Variants in NEGR1 observed in about 807,000 individuals in gnomAD.
NEGR1 encodes the protein neuronal growth regulator 1.
A neutral mutation model predicts 40.9 loss-of-function variants in NEGR1; 10 were observed. The observed-to-expected ratio is 0.24, with a 90% CI of 0.15 to 0.42. The LOEUF (loss-of-function observed/expected upper bound fraction) is 0.42, where lower values mean the gene tolerates loss of function less well. NEGR1 is among the 10% of genes least tolerant of loss of function. The pLI is 1.00. For synonymous variants in NEGR1, 185 were observed against 166.8 expected (o/e 1.11, Z -0.84); for missense variants, 352 against 438.9 (o/e 0.80, Z 1.77).
rs1259418790 is a variant in NEGR1 at position 71,928,361 on chromosome 1, T to TAC, written c.409+6716_409+6717dup. Among the ~76,000 whole-genome samples, 15 of 84,628 alleles carry TAC rather than the reference T, an allele frequency of 1.8e-4. 2 individuals are homozygous for TAC. Among genetic ancestry groups the TAC allele is most frequent in the East Asian group, 1.3e-3 (4 of 3,030 alleles). The allele number at this position is 84,628 out of a possible 152,430, so 55.5% of individuals were successfully genotyped here. A position where few individuals can be genotyped will look rare whatever the true frequency, so the allele number is the denominator to read the frequency against. On this transcript the variant is annotated intron_variant, in intron 2 of 6. Coordinates refer to ENST00000357731, the MANE Select transcript of NEGR1 (RefSeq NM_173808.3). ...ATATACACACATGTGTATATATATA[T>TAC]ACACATATGTATATATGTATATATA...
At chr1:72,043,309 AT>A (rs1255605893) in intron 1 of NEGR1, among the ~76,000 whole-genome samples, 3 of 151,702 alleles carry the variant, frequency 2.0e-5, no homozygotes, top group African/African-American at 7.3e-5. Flanking sequence ...CATTTCCTTT[AT>A]CAAGTCTTTT....
At chr1:72,033,823 C>T (rs1016655947) in intron 1 of NEGR1, among the ~76,000 whole-genome samples, 1 of 152,062 alleles carries the variant, frequency 6.6e-6, no homozygotes, top group African/African-American at 2.4e-5. Context: ...ATTAATACAA[C>T]ACTCCAGGCA....
chr1:72,046,339 A>G (rs911995718), intron 1 of NEGR1, among the ~76,000 whole-genome samples: 4 of 151,718 alleles, frequency 2.6e-5, no homozygotes, highest in Admixed American at 6.6e-5. Context: ...GAAAGAACAC[A>G]TTGAGAATAA....
At chr1:71,996,834 G>A (rs1262348649) in intron 1 of NEGR1, among the ~76,000 whole-genome samples, 1 of 151,978 alleles carries the variant, frequency 6.6e-6, no homozygotes, top group African/African-American at 2.4e-5. Flanking sequence ...TCTGAGTAAG[G>A]TGCTTTCTAA....
intron 4 of NEGR1, among the ~76,000 whole-genome samples, chr1:71,683,077 T>C (rs1652894515): frequency 6.6e-6 from 1 of 152,162 alleles, no homozygotes; most frequent in Non-Finnish European, 1.5e-5. Context: ...CAAAATGGAC[T>C]AAGAGGCTGC....
At chr1:72,089,079 A>T (rs1199817537) in intron 1 of NEGR1, among the ~76,000 whole-genome samples, 1 of 152,168 alleles carries the variant, frequency 6.6e-6, no homozygotes, top group Non-Finnish European at 1.5e-5. Context: ...AAAACTGCAA[A>T]TGTTGAATCA....
At chr1:71,981,481 A>G (rs1222857783) in intron 1 of NEGR1, among the ~76,000 whole-genome samples, 1 of 152,154 alleles carries the variant, frequency 6.6e-6, no homozygotes, top group African/African-American at 2.4e-5. Flanking sequence ...TGGGTATTTG[A>G]AGATATATTT....
intron 1 of NEGR1, among the ~76,000 whole-genome samples, chr1:72,108,423 C>A (rs562477704): frequency 1.3e-5 from 2 of 151,514 alleles, no homozygotes; most frequent in South Asian, 4.2e-4. Context: ...GCAAATATGA[C>A]ATATATGCAA....
intron 6 of NEGR1, among the ~76,000 whole-genome samples, chr1:71,524,248 A>G (rs1647189488): frequency 6.6e-6 from 1 of 151,262 alleles, no homozygotes; most frequent in Non-Finnish European, 1.5e-5. Context: ...TGCCTTCTCT[A>G]ACTATCAGTG....
chr1:71,755,760 T>C (rs1331360867), intron 3 of NEGR1, among the ~76,000 whole-genome samples: 1 of 152,198 alleles, frequency 6.6e-6, no homozygotes, highest in Admixed American at 6.6e-5. Flanking sequence ...TTTTCACTCT[T>C]CATATTATGT....
At chr1:71,605,188 A>C (rs577436670) in intron 5 of NEGR1, among the ~76,000 whole-genome samples, 14 of 152,274 alleles carry the variant, frequency 9.2e-5, no homozygotes, top group Admixed American at 2.0e-4. Flanking sequence ...TCATTTATTT[A>C]ATACTTTATT....
At chr1:71,673,344 A>G (rs924844551) in intron 4 of NEGR1, among the ~76,000 whole-genome samples, 12 of 152,184 alleles carry the variant, frequency 7.9e-5, no homozygotes, top group Non-Finnish European at 1.0e-4. Flanking sequence ...GAGAGTCCAT[A>G]TATATTATCC....
At chr1:71,955,406 T>C (rs992959149) in intron 1 of NEGR1, among the ~76,000 whole-genome samples, 1 of 152,086 alleles carries the variant, frequency 6.6e-6, no homozygotes. Context: ...TTTACACATA[T>C]AAATGGCAAT....
At chr1:72,088,796 C>CTTTTTTTTTTTTTTTTTTTTTTTTTTTT (rs71074816) in intron 1 of NEGR1, among the ~76,000 whole-genome samples, 11 of 74,918 alleles carry the variant, frequency 1.5e-4, no homozygotes, top group Non-Finnish European at 2.3e-4. Context: ...CTCTCTCTCT[C>CTTTTTTTTTTTTTTTTTTTTTTTTTTTT]TTTTTTTTTT....
intron 1 of NEGR1, among the ~76,000 whole-genome samples, chr1:72,014,475 A>G (rs1487655991): frequency 6.6e-6 from 1 of 152,006 alleles, no homozygotes; most frequent in Non-Finnish European, 1.5e-5. Flanking sequence ...AAAATTTCCC[A>G]GTCATTTTAT....
intron 1 of NEGR1, among the ~76,000 whole-genome samples, chr1:72,073,252 A>T (rs1647552317): frequency 6.6e-6 from 1 of 152,114 alleles, no homozygotes; most frequent in Non-Finnish European, 1.5e-5. Context: ...AGACTTTCAC[A>T]GATGGGTGTC....
chr1:72,121,166 T>C (rs146902434), intron 1 of NEGR1, among the ~76,000 whole-genome samples: 151 of 152,152 alleles, frequency 9.9e-4, no homozygotes, highest in African/African-American at 3.6e-3. Flanking sequence ...TACAATGACA[T>C]GTGCAAACAA....
chr1:71,756,397 A>C (rs1655734871), intron 3 of NEGR1, among the ~76,000 whole-genome samples: 1 of 73,924 alleles, frequency 1.4e-5, no homozygotes, highest in Non-Finnish European at 3.0e-5. Flanking sequence ...AAAAAAACAA[A>C]AAACAAAAAC....
At chr1:71,549,518 T>G (rs566604590) in intron 6 of NEGR1, among the ~76,000 whole-genome samples, 2 of 151,800 alleles carry the variant, frequency 1.3e-5, no homozygotes, top group Non-Finnish European at 3.0e-5. Flanking sequence ...GAGCCAAAAC[T>G]GGCCAAGCAC....
Sources: gnomAD v4.1 joint callset for allele counts (sites outside exome capture counted in the v4.1 genomes callset) on GRCh38, gnomAD v4.1.1 for gene constraint, MANE v1.5 for transcripts, NCBI Gene and HGNC (gene_info 2026-07-23, HGNC 2026-07-21) for gene names.